The following PDLIM4 variants were observed in gnomAD, a reference collection of about 807,000 sequenced individuals.
PDLIM4 encodes the protein PDZ and LIM domain 4.
Under a neutral mutation model 31.3 loss-of-function variants are expected in PDLIM4, and 19 were observed. That is an observed-to-expected ratio of 0.61 (90% CI 0.42 to 0.89). PDLIM4 has a LOEUF of 0.89. PDLIM4 is among the 40% of genes least tolerant of loss of function. The pLI is 0.00. For synonymous variants in PDLIM4, 176 were observed against 190.1 expected (o/e 0.93, Z 0.61); for missense variants, 442 against 461.1 (o/e 0.96, Z 0.38).
rs1756674486 is a variant in PDLIM4, at chr5:132,273,345, A to G, written c.*1116A>G. 3 of 142,514 alleles carry G rather than the reference A, an allele frequency of 2.1e-5. No individual in the cohort carries two copies. The highest frequency in any genetic ancestry group is 4.2e-4 in the South Asian group (2 of 4,734). The allele number at this position is 142,514 out of a possible 1,614,324, so 8.8% of individuals were successfully genotyped here. On this transcript the variant is annotated 3_prime_UTR_variant, in exon 7 of 7. Transcript: ENST00000253754. ...AAAAAACTGTTATCAATTCACATTCATCATCAGCACGAGACCCATTTCCTT... is the reference window on the plus strand; with the variant it reads ...AAAAAACTGTTATCAATTCACATTCGTCATCAGCACGAGACCCATTTCCTT...
chr5:132,268,571 G>A (rs960847390), intron 3 of PDLIM4, among the ~76,000 whole-genome samples: 4 of 152,198 alleles, frequency 2.6e-5, no homozygotes, highest in Admixed American at 2.6e-4. Context: ...CTAGCCCAGG[G>A]TGGAGGAAGG....
rs771538399 is a variant in PDLIM4, at chr5:132,271,666, C to T, written c.671-125C>T. 1.3e-4 allele frequency: 126 copies of T among 952,500 alleles called. 1 individual carries two copies. The highest frequency in any genetic ancestry group is 1.9e-4 in the Non-Finnish European group (111 of 582,174). 59.0% of individuals were successfully genotyped at this position (952,500 alleles called of 1,614,324 possible). ...CCCCCTGTCGCTGCCCCTCACCCCACGCCCGCCAAACCCGTTCCCCAGTCT... is the reference window on the plus strand; with the variant it reads ...CCCCCTGTCGCTGCCCCTCACCCCATGCCCGCCAAACCCGTTCCCCAGTCT... On this transcript the variant is annotated intron_variant, in intron 5 of 6. Coordinates refer to ENST00000253754, the MANE Select transcript of PDLIM4 (RefSeq NM_003687.4).
Position 132,257,836 on chromosome 5 carries a change from G to A in PDLIM4, c.93+9G>A. 6.8e-7 allele frequency: 1 copy of A among 1,460,042 alleles called. No individual in the cohort carries two copies. 90.4% of individuals were successfully genotyped at this position (1,460,042 alleles called of 1,614,324 possible). A position where few individuals can be genotyped will look rare whatever the true frequency, so the allele number is the denominator to read the frequency against. On this transcript the variant is annotated intron_variant, in intron 1 of 6. Coordinates refer to ENST00000253754, the MANE Select transcript of PDLIM4 (RefSeq NM_003687.4). The surrounding 1 kb of genome is among the most constrained non-coding windows in gnomAD (Gnocchi z 4.3). Reference sequence around the variant, plus strand: ...CCCTCACCATCTCACGGGTGAGTCTGGCGGCTGCGTGGCGGCAGGGCGGTC... The same window carrying A: ...CCCTCACCATCTCACGGGTGAGTCTAGCGGCTGCGTGGCGGCAGGGCGGTC...
Position 132,272,360 on chromosome 5 carries a change from C to T in PDLIM4, c.*131C>T, listed in dbSNP as rs977938977. The T allele has an allele frequency of 1.5e-5, 11 of 741,236 alleles. No individual in the cohort carries two copies. Among genetic ancestry groups the T allele is most frequent in the Admixed American group, 2.1e-5 (1 of 47,916 alleles). 45.9% of individuals were successfully genotyped at this position (741,236 alleles called of 1,614,324 possible). On this transcript the variant is annotated 3_prime_UTR_variant, in exon 7 of 7. Transcript: ENST00000253754. ...TGTCACCTGGCCTGCCACCCTCCTG[C>T]GCAGGCCATGCATGGCTCCCGAGTA... is the stretch of plus-strand genomic sequence containing the variant.
chr5:132,265,483 A>C (rs1756472445), intron 2 of PDLIM4, among the ~76,000 whole-genome samples: 1 of 152,182 alleles, frequency 6.6e-6, no homozygotes, highest in African/African-American at 2.4e-5. Flanking sequence ...GAGCTCTAAT[A>C]CCAAAGGCCT....
chr5:132,270,910 A>C lies in PDLIM4; in HGVS notation c.328-5A>C, dbSNP rs2126679844. On this transcript the variant is annotated splice_region_variant and splice_polypyrimidine_tract_variant and intron_variant, in intron 3 of 6. Transcript: ENST00000253754. ...CTCCCAGTGCCTTAGGCCTCTCTCTAATAGGACGGCAGCCCAACAACCAGC... is the reference window on the plus strand; with the variant it reads ...CTCCCAGTGCCTTAGGCCTCTCTCTCATAGGACGGCAGCCCAACAACCAGC... 1 of 1,613,802 alleles carries C rather than the reference A, an allele frequency of 6.2e-7. No homozygotes were observed. The highest frequency in any genetic ancestry group is 8.5e-7 in the Non-Finnish European group (1 of 1,179,770).
intron 5 of PDLIM4, 75 bp downstream of exon 5, chr5:132,271,541 C>T (rs1289343938): frequency 2.1e-6 from 3 of 1,451,932 alleles, no homozygotes; most frequent in African/African-American, 1.4e-5. Flanking sequence ...AGCGACCCCA[C>T]GTCCCGCCTC....
At chr5:132,262,395 C>A (rs1756393461) in intron 1 of PDLIM4, among the ~76,000 whole-genome samples, 1 of 152,204 alleles carries the variant, frequency 6.6e-6, no homozygotes. Context: ...TCATGCCCTG[C>A]CAGGCCTCCA....
chr5:132,271,018 C>T lies in PDLIM4; in HGVS notation c.431C>T (p.Pro144Leu). 1.2e-6 allele frequency: 2 copies of T among 1,614,122 alleles called. No individual in the cohort carries two copies. The highest frequency in any genetic ancestry group is 2.2e-5 in the South Asian group (2 of 91,090). ...GSPYGQPPRFPVPHNGSSEAT... is the reference protein window; with the variant it reads ...GSPYGQPPRFLVPHNGSSEAT... ...CCATATGGACAACCCCCTCGCTTTC[C>T]AGTCCCTCACAATGGCAGCAGCGAG... Residue 144 changes from proline to leucine, a missense_variant, in exon 4 of 7, where the codon CCA (proline) becomes CTA (leucine). Pro to Leu is a moderately conservative substitution (Grantham distance 98). Coordinates refer to ENST00000253754, the MANE Select transcript of PDLIM4 (RefSeq NM_003687.4).
rs897775805 is a variant in PDLIM4, at chr5:132,271,113, G to A, written c.506+20G>A. The A allele has an allele frequency of 4.4e-6, 7 of 1,608,276 alleles. No homozygotes were observed. The highest frequency in any genetic ancestry group is 2.7e-5 in the African/African-American group (2 of 74,952). ...CCCCAGGTAGCACAGAGATGCCTTC[G>A]GTGCCATGCCCAGAACCCATCTTAA... On this transcript the variant is annotated intron_variant, in intron 4 of 6. Coordinates refer to ENST00000253754, the MANE Select transcript of PDLIM4 (RefSeq NM_003687.4).
chr5:132,272,022 C>T lies in PDLIM4; in HGVS notation c.789-3C>T. The T allele has an allele frequency of 6.2e-7, 1 of 1,613,770 alleles. No homozygotes were observed. The highest frequency in any genetic ancestry group is 1.1e-5 in the South Asian group (1 of 91,080). On this transcript the variant is annotated splice_polypyrimidine_tract_variant and splice_region_variant and intron_variant, in intron 6 of 6. Transcript: ENST00000253754. ...CGCTGTCCTGTCTCGTTCCCCCCAT[C>T]AGGGGCACCATCGTCAAGGCACGGG...
intron 1 of PDLIM4, 50 bp from the exon 2 acceptor site, chr5:132,262,559 G>A (rs780604835): frequency 1.1e-5 from 16 of 1,514,594 alleles, no homozygotes; most frequent in Admixed American, 2.0e-5. Context: ...ACAGCTTGCA[G>A]CAAGACCATA....
At chr5:132,265,111 G>A (rs887177563) in intron 2 of PDLIM4, among the ~76,000 whole-genome samples, 1 of 152,122 alleles carries the variant, frequency 6.6e-6, no homozygotes, top group Non-Finnish European at 1.5e-5. Context: ...CATCACATGT[G>A]GCCCAAGGTA....
chr5:132,263,453 G>C (rs1022295294), intron 2 of PDLIM4, among the ~76,000 whole-genome samples: 1 of 151,832 alleles, frequency 6.6e-6, no homozygotes, highest in Non-Finnish European at 1.5e-5. Context: ...GAGGACAGGG[G>C]GTTACCAAGC....
At chr5:132,260,165 C>T (rs1156689796) in intron 1 of PDLIM4, among the ~76,000 whole-genome samples, 1 of 152,156 alleles carries the variant, frequency 6.6e-6, no homozygotes, top group Non-Finnish European at 1.5e-5. Context: ...CAATGTGGCA[C>T]CTGGTTCTGA....
chr5:132,271,576 C>G (rs1191872310), intron 5 of PDLIM4, 110 bp downstream of exon 5: 15 of 1,219,824 alleles, frequency 1.2e-5, no homozygotes, highest in Non-Finnish European at 1.7e-5. Flanking sequence ...TCTTCGGTCT[C>G]TGCGGCCCGG....
In PDLIM4 at chr5:132,272,307, A is replaced by G; in HGVS notation, c.*78A>G. The stretch of plus-strand genomic sequence containing the variant: ...AAATATGTTTCACCCTGTCCCTCTA[A>G]TAAAGCTCCTCTGCTCCACCTTGAA... On this transcript the variant is annotated 3_prime_UTR_variant, in exon 7 of 7. Transcript: ENST00000253754. 8.3e-7 allele frequency: 1 copy of G among 1,207,986 alleles called. No individual in the cohort carries two copies. The highest frequency in any genetic ancestry group is 1.2e-6 in the Non-Finnish European group (1 of 832,578). 74.8% of individuals were successfully genotyped at this position (1,207,986 alleles called of 1,614,324 possible). A position where few individuals can be genotyped will look rare whatever the true frequency, so the allele number is the denominator to read the frequency against.
At chr5:132,263,277 T>A (rs1756416484) in intron 2 of PDLIM4, among the ~76,000 whole-genome samples, 1 of 152,192 alleles carries the variant, frequency 6.6e-6, no homozygotes, top group Admixed American at 6.5e-5. Flanking sequence ...GGCTCTCTCC[T>A]AAGACTACAG....
At position 132,272,176 on chromosome 5, in the gene PDLIM4, G is replaced by A. The variant is rs757775470; in HGVS notation, c.940G>A (p.Glu314Lys). ...SHAKARVKPP[E>K]GYDVVAVYPN... Reference sequence around the variant, plus strand: ...CGCCAAGGCGCGCGTGAAGCCGCCCGAGGGCTACGACGTGGTGGCGGTGTA... The same window carrying A: ...CGCCAAGGCGCGCGTGAAGCCGCCCAAGGGCTACGACGTGGTGGCGGTGTA... The change falls in exon 7 of 7, where the codon GAG becomes AAG. Residue 314 changes from glutamate (E) to lysine (K), a missense_variant. By Grantham distance (56) the Glu-to-Lys change is moderately conservative. Coordinates refer to ENST00000253754, the MANE Select transcript of PDLIM4 (RefSeq NM_003687.4). 5 of 1,614,250 alleles carry A rather than the reference G, an allele frequency of 3.1e-6. No individual in the cohort carries two copies. Among genetic ancestry groups the A allele is most frequent in the African/African-American group, 1.3e-5 (1 of 75,082 alleles).
Sources: allele counts gnomAD v4.1 joint callset (sites outside exome capture counted in the v4.1 genomes callset), GRCh38; gene constraint gnomAD v4.1.1; non-coding constraint Gnocchi (gnomAD v3.1); transcripts MANE v1.5; gene names NCBI Gene and HGNC (gene_info 2026-07-23, HGNC 2026-07-21).